The following PCDH15 variants were observed in gnomAD, a reference collection of about 807,000 sequenced individuals.
PCDH15 encodes protocadherin related 15.
In PCDH15, 129 loss-of-function variants were observed where a neutral mutation model predicts 178.5. That is an observed-to-expected ratio of 0.72 (90% confidence interval 0.63 to 0.84). The LOEUF (loss-of-function observed/expected upper bound fraction) is 0.84, where lower values mean the gene tolerates loss of function less well. Ranked by LOEUF, PCDH15 falls within the 40% of genes least tolerant of loss-of-function variation. PCDH15 has a pLI of 0.00. For missense variants in PCDH15, 2,230 were observed against 2,099.9 expected (o/e 1.06, Z -1.21); for synonymous variants, 800 against 732.0 (o/e 1.09, Z -1.50).
At chr10:54,544,135 A>G (rs533975173) in intron 2 of PCDH15, among the ~76,000 whole-genome samples, 55 of 152,296 alleles carry the variant, frequency 3.6e-4, no homozygotes, top group African/African-American at 1.2e-3. Context: ...CAGTAATTTG[A>G]TCTGACATTT....
At chr10:55,240,658 A>ACG in intron 1 of PCDH15, among the ~76,000 whole-genome samples, 1 of 152,170 alleles carries the variant, frequency 6.6e-6, no homozygotes, top group Non-Finnish European at 1.5e-5. Flanking sequence ...AGTTCATAAT[A>ACG]TGTTTCTCTG....
intron 8 of PCDH15, among the ~76,000 whole-genome samples, chr10:54,299,129 A>G (rs1289864647): frequency 1.3e-5 from 2 of 151,788 alleles, no homozygotes; most frequent in Non-Finnish European, 3.0e-5. Context: ...AGGCAGGGAA[A>G]GACCAGCAGA....
chr10:55,348,814 G>T (rs1020090543), intron 2 of PCDH15, among the ~76,000 whole-genome samples: 1 of 152,106 alleles, frequency 6.6e-6, no homozygotes, highest in Non-Finnish European at 1.5e-5. Context: ...GGTATCAAGG[G>T]CCAGATTACC....
At position 54,622,769 on chromosome 10, in the gene PCDH15, A is replaced by T. The variant is rs1259448674; in HGVS notation, c.91+41403T>A. On this transcript the variant is annotated intron_variant, in intron 2 of 37. Coordinates refer to ENST00000644397, the MANE Select transcript of PCDH15 (RefSeq NM_001384140.1). ...TTATATATAATTATATTATATATAT[A>T]TTTTTCCCACTACAGTGGGAAAAAC... Among the ~76,000 whole-genome samples, 154 of 51,970 alleles carry T rather than the reference A, an allele frequency of 3.0e-3. 1 individual carries two copies. The highest frequency in any genetic ancestry group is 8.6e-3 in the African/African-American group (132 of 15,326). 34.1% of individuals were successfully genotyped at this position (51,970 alleles called of 152,430 possible).
intron 3 of PCDH15, among the ~76,000 whole-genome samples, chr10:54,827,201 A>G (rs897779844): frequency 1.3e-5 from 2 of 152,134 alleles, no homozygotes; most frequent in South Asian, 2.1e-4. Context: ...AATGACATTG[A>G]TATGTCTCAA....
At chr10:55,472,421 T>C (rs1198586996) in intron 2 of PCDH15, among the ~76,000 whole-genome samples, 3 of 151,822 alleles carry the variant, frequency 2.0e-5, no homozygotes, top group Non-Finnish European at 4.4e-5. Context: ...GTTAATGCTA[T>C]GCTATTTGGA....
intron 15 of PCDH15, among the ~76,000 whole-genome samples, chr10:54,115,322 A>G (rs181040233): frequency 3.2e-4 from 49 of 152,288 alleles, no homozygotes; most frequent in African/African-American, 1.2e-3. Context: ...TCATTAAGAT[A>G]ATGGAAAGTA....
At chr10:54,227,577 A>G (rs1435884336) in intron 9 of PCDH15, among the ~76,000 whole-genome samples, 1 of 152,176 alleles carries the variant, frequency 6.6e-6, no homozygotes, top group Non-Finnish European at 1.5e-5. Flanking sequence ...CCCATTATCT[A>G]CAGGATTAAC....
intron 2 of PCDH15, among the ~76,000 whole-genome samples, chr10:55,529,078 G>T (rs1471222246): frequency 6.6e-6 from 1 of 151,828 alleles, no homozygotes; most frequent in African/African-American, 2.4e-5. Context: ...GGGGTTGTTT[G>T]TTTTTTTCTT....
chr10:54,439,154 T>G (rs1259610186), intron 3 of PCDH15, among the ~76,000 whole-genome samples: 1 of 151,998 alleles, frequency 6.6e-6, no homozygotes, highest in Admixed American at 6.6e-5. Flanking sequence ...AATATCAATT[T>G]GAAAATAGGA....
intron 15 of PCDH15, among the ~76,000 whole-genome samples, chr10:54,117,226 C>G (rs2095130186): frequency 6.6e-6 from 1 of 152,110 alleles, no homozygotes; most frequent in African/African-American, 2.4e-5. Context: ...TGAGCACAGC[C>G]AGGCACACTG....
At chr10:55,116,023 T>C (rs190165537) in intron 2 of PCDH15, among the ~76,000 whole-genome samples, 4 of 152,262 alleles carry the variant, frequency 2.6e-5, no homozygotes, top group Admixed American at 1.3e-4. Context: ...GAGTCAGATA[T>C]AATACCCCGA....
At chr10:55,217,984 G>A (rs1026258800) in intron 1 of PCDH15, among the ~76,000 whole-genome samples, 4 of 151,982 alleles carry the variant, frequency 2.6e-5, no homozygotes, top group African/African-American at 9.7e-5. Flanking sequence ...TCAGTATGCA[G>A]TGCCTTAAAA....
At chr10:53,841,221 T>TA (rs1347090106) in intron 28 of PCDH15, among the ~76,000 whole-genome samples, 1 of 152,174 alleles carries the variant, frequency 6.6e-6, no homozygotes, top group East Asian at 1.9e-4. Flanking sequence ...TCTCATTCCT[T>TA]ATTAAAAACT....
chr10:55,200,765 T>C (rs1251002203), intron 1 of PCDH15, among the ~76,000 whole-genome samples: 1 of 151,966 alleles, frequency 6.6e-6, no homozygotes, highest in Non-Finnish European at 1.5e-5. Context: ...TGAGAGTGAG[T>C]TCTCATGAGA....
chr10:53,998,859 C>T (rs536904530), intron 20 of PCDH15, among the ~76,000 whole-genome samples: 219 of 151,962 alleles, frequency 1.4e-3, no homozygotes, highest in South Asian at 5.4e-3. Flanking sequence ...CGAGACCAGC[C>T]TGGCCAACAT....
intron 21 of PCDH15, among the ~76,000 whole-genome samples, chr10:53,990,514 A>ATATATATGTTC (rs137863901): frequency 3.4e-5 from 5 of 146,614 alleles, no homozygotes; most frequent in South Asian, 2.1e-4. Context: ...TATATGTTAT[A>ATATATATGTTC]TATATATATG....
chr10:54,575,893 G>T (rs1469566288), intron 2 of PCDH15, among the ~76,000 whole-genome samples: 1 of 152,224 alleles, frequency 6.6e-6, no homozygotes. Flanking sequence ...ACACAACATT[G>T]ATTTTAATGG....
intron 20 of PCDH15, among the ~76,000 whole-genome samples, chr10:54,019,141 C>A (rs2092833274): frequency 6.6e-6 from 1 of 151,938 alleles, no homozygotes; most frequent in Non-Finnish European, 1.5e-5. Context: ...CAAGTCTATT[C>A]AGGAAGCAGA....
Sources: gnomAD v4.1 joint callset for allele counts (sites outside exome capture counted in the v4.1 genomes callset) on GRCh38, gnomAD v4.1.1 for gene constraint, MANE v1.5 for transcripts, NCBI Gene and HGNC (gene_info 2026-07-23, HGNC 2026-07-21) for gene names.